The following ZNF831 variants were observed in gnomAD, a reference collection of about 807,000 sequenced individuals.
ZNF831 encodes chromosome 20 open reading frame 174.
In ZNF831, 59 loss-of-function variants were observed where a neutral mutation model predicts 95.8. That is an observed-to-expected ratio of 0.62 (90% CI 0.50 to 0.77). ZNF831 has a LOEUF of 0.77. Among genes scored for constraint, ZNF831 ranks in the 30% least tolerant of loss-of-function variants. ZNF831 has a pLI of 0.00. For synonymous variants in ZNF831, 961 were observed against 925.5 expected, an observed-to-expected ratio of 1.04 and a Z score of -0.70; for missense variants, 2,205 against 2,164.0, an observed-to-expected ratio of 1.02 and a Z score of -0.38.
chr20:59,135,435 A>T (rs1325713804), intron 1 of ZNF831, among the ~76,000 whole-genome samples: 2 of 152,252 alleles, frequency 1.3e-5, no homozygotes, highest in East Asian at 1.9e-4. Flanking sequence ...AAAATAATAA[A>T]AAAAAAATCC....
chr20:59,214,970 TA>T (rs1363406819), intron 4 of ZNF831, among the ~76,000 whole-genome samples: 1 of 152,270 alleles, frequency 6.6e-6, no homozygotes, highest in East Asian at 1.9e-4. Flanking sequence ...AATAATCTCA[TA>T]AATAGATTTT....
intron 4 of ZNF831, among the ~76,000 whole-genome samples, chr20:59,246,383 A>C (rs2146738787): frequency 6.6e-6 from 1 of 152,340 alleles, no homozygotes; most frequent in East Asian, 1.9e-4. Flanking sequence ...AAGCTGTTTC[A>C]GGTATATCGA....
intron 1 of ZNF831, among the ~76,000 whole-genome samples, chr20:59,188,026 C>T (rs971699921): frequency 3.3e-5 from 5 of 152,178 alleles, no homozygotes; most frequent in Non-Finnish European, 7.3e-5. Flanking sequence ...TGTATATTGC[C>T]GTTTGTCTAT....
intron 1 of ZNF831, among the ~76,000 whole-genome samples, chr20:59,145,189 C>G (rs548366969): frequency 6.6e-6 from 1 of 152,120 alleles, no homozygotes; most frequent in Non-Finnish European, 1.5e-5. Flanking sequence ...GAACTTTGAC[C>G]GGACCCTTTC....
intron 3 of ZNF831, among the ~76,000 whole-genome samples, chr20:59,205,157 A>C (rs1984800909): frequency 6.6e-6 from 1 of 152,170 alleles, no homozygotes; most frequent in Non-Finnish European, 1.5e-5. Flanking sequence ...AGTGTGTGGC[A>C]GCCACCCACT....
intron 1 of ZNF831, among the ~76,000 whole-genome samples, chr20:59,170,320 T>G (rs1046603233): frequency 7.2e-5 from 11 of 152,170 alleles, no homozygotes; most frequent in Non-Finnish European, 2.9e-5. Flanking sequence ...GTGCCACAAA[T>G]TTTGAGATGT....
In ZNF831 at chr20:59,247,547, T is replaced by G. The variant is rs191998196; in HGVS notation, c.4028-5431T>G. 1.9e-3 allele frequency among the ~76,000 whole-genome samples: 294 copies of G among 152,348 alleles called. 1 individual carries two copies. The highest frequency in any genetic ancestry group is 6.8e-3 in the African/African-American group (281 of 41,584). On this transcript the variant is annotated intron_variant, in intron 4 of 5. Coordinates refer to ENST00000371030, the MANE Select transcript of ZNF831 (RefSeq NM_178457.3). ...TTTGAATAAATAACTGTCCACAAAG[T>G]TATTACTTTTAGAGATCTGCCCAGC...
chr20:59,168,619 A>AGTC (rs1431740955), intron 1 of ZNF831, among the ~76,000 whole-genome samples: 3 of 151,932 alleles, frequency 2.0e-5, no homozygotes, highest in Admixed American at 6.5e-5. Flanking sequence ...TAAAACTTTC[A>AGTC]GTCATCTTCT....
intron 4 of ZNF831, among the ~76,000 whole-genome samples, chr20:59,247,698 T>C (rs751599141): frequency 2.0e-5 from 3 of 152,250 alleles, no homozygotes; most frequent in Non-Finnish European, 4.4e-5. Flanking sequence ...ATTTGCAGCT[T>C]GCTTAGAAGG....
chr20:59,230,093 AAAT>A (rs1338812166), intron 4 of ZNF831, among the ~76,000 whole-genome samples: 5 of 152,218 alleles, frequency 3.3e-5, no homozygotes, highest in African/African-American at 1.2e-4. Context: ...TTAATTTTTA[AAAT>A]AATCTTATTT....
chr20:59,135,737 AAAT>A (rs1296348304), intron 1 of ZNF831, among the ~76,000 whole-genome samples: 3 of 152,114 alleles, frequency 2.0e-5, no homozygotes, highest in Non-Finnish European at 4.4e-5. Flanking sequence ...TCTCAAAAAA[AAAT>A]AATAATAATA....
intron 4 of ZNF831, among the ~76,000 whole-genome samples, chr20:59,211,778 C>CG (rs1465638047): frequency 7.6e-6 from 1 of 132,184 alleles, no homozygotes; most frequent in African/African-American, 3.8e-5. Context: ...GGGAGCTGAC[C>CG]TTGTGTGTGT....
At chr20:59,170,989 G>A (rs1207859021) in intron 1 of ZNF831, among the ~76,000 whole-genome samples, 1 of 152,230 alleles carries the variant, frequency 6.6e-6, no homozygotes, top group Non-Finnish European at 1.5e-5. Context: ...GAAAGACAGT[G>A]TGCCGGCTGT....
At chr20:59,170,606 C>G (rs565700974) in intron 1 of ZNF831, among the ~76,000 whole-genome samples, 62 of 152,244 alleles carry the variant, frequency 4.1e-4, no homozygotes, top group African/African-American at 1.2e-3. Context: ...AGGAGCCATA[C>G]AATAGGCTAA....
Position 59,191,845 on chromosome 20 carries a change from A to C in ZNF831, c.826A>C (p.Arg276=). The C allele has an allele frequency of 6.2e-7, 1 of 1,613,436 alleles. No homozygotes were observed. The highest frequency in any genetic ancestry group is 8.5e-7 in the Non-Finnish European group (1 of 1,179,978). The change falls in exon 2 of 6, where the codon AGA becomes CGA. Residue 276 remains arginine, a synonymous_variant. Coordinates refer to ENST00000371030, the MANE Select transcript of ZNF831 (RefSeq NM_178457.3). The stretch of plus-strand genomic sequence containing the variant: ...CTGTCCAGGGTCCGCATTTGCCGAC[A>C]GAGAGGCTCCTTGGGACTCTGCCCC... ...APCPGSAFAD[R]EAPWDSAPMA... is the part of the protein sequence containing the mutation.
intron 4 of ZNF831, among the ~76,000 whole-genome samples, chr20:59,228,337 A>T (rs925717708): frequency 1.3e-5 from 2 of 151,758 alleles, no homozygotes; most frequent in African/African-American, 4.8e-5. Context: ...TGGCAGGTTG[A>T]TGGGAAATTG....
intron 4 of ZNF831, among the ~76,000 whole-genome samples, chr20:59,240,185 G>T (rs1436397335): frequency 1.4e-5 from 2 of 140,186 alleles, no homozygotes; most frequent in Non-Finnish European, 3.0e-5. Context: ...CCTGCCACAA[G>T]ATTCCCCTCC....
chr20:59,127,006 C>T (rs969187905), intron 1 of ZNF831, among the ~76,000 whole-genome samples: 7 of 152,140 alleles, frequency 4.6e-5, no homozygotes, highest in African/African-American at 1.7e-4. Context: ...CCAACTGGTC[C>T]CCTCACTGCC....
intron 3 of ZNF831, 108 bp downstream of exon 3, chr20:59,196,113 G>A: frequency 7.0e-7 from 1 of 1,433,624 alleles, no homozygotes. Context: ...TGTTTCCTAG[G>A]GTTTAGAGCT....
Sources: gnomAD v4.1 joint callset for allele counts (sites outside exome capture counted in the v4.1 genomes callset) on GRCh38, gnomAD v4.1.1 for gene constraint, MANE v1.5 for transcripts, NCBI Gene and HGNC (gene_info 2026-07-23, HGNC 2026-07-21) for gene names.